The following ABLIM3 variants were observed in gnomAD, a reference collection of about 807,000 sequenced individuals.
ABLIM3 encodes actin-binding LIM protein 3.
A neutral mutation model predicts 109.5 loss-of-function variants in ABLIM3; 61 were observed. The ratio of observed to expected loss-of-function variants is 0.56; its 90% CI spans 0.45 to 0.69. The LOEUF is 0.69. ABLIM3 is among the 30% of genes least tolerant of loss of function. The pLI, the probability that ABLIM3 is intolerant of heterozygous loss-of-function variation, is 0.00. For missense variants in ABLIM3, 796 were observed against 889.5 expected, an observed-to-expected ratio of 0.89 and a Z score of 1.34; for synonymous variants, 300 against 324.8, an observed-to-expected ratio of 0.92 and a Z score of 0.82.
intron 23 of ABLIM3, 67 bp downstream of exon 23, chr5:149,252,904 C>A: frequency 2.3e-6 from 3 of 1,291,722 alleles, no homozygotes; most frequent in South Asian, 1.2e-5. Flanking sequence ...TTGGTATAAT[C>A]CAGCTCAAGA....
chr5:149,246,186 A>G (rs1753337466), intron 16 of ABLIM3, among the ~76,000 whole-genome samples: 2 of 152,084 alleles, frequency 1.3e-5, no homozygotes, highest in Admixed American at 1.3e-4. Context: ...TAATAAAAGG[A>G]TGACTCGTTC....
intron 2 of ABLIM3, among the ~76,000 whole-genome samples, chr5:149,180,384 A>G (rs1305140566): frequency 6.6e-6 from 1 of 152,186 alleles, no homozygotes; most frequent in Non-Finnish European, 1.5e-5. Context: ...ACACAGAACA[A>G]TGTTAGATTA....
chr5:149,203,662 C>G (rs1204586565), intron 5 of ABLIM3, among the ~76,000 whole-genome samples: 1 of 151,622 alleles, frequency 6.6e-6, no homozygotes, highest in Non-Finnish European at 1.5e-5. Flanking sequence ...ACCACTATTA[C>G]CACTATCGCC....
chr5:149,157,103 C>G (rs185064646), intron 2 of ABLIM3, among the ~76,000 whole-genome samples: 20 of 152,200 alleles, frequency 1.3e-4, no homozygotes, highest in Non-Finnish European at 2.2e-4. Context: ...GACCAGAAAG[C>G]GTTCCATTCT....
At chr5:149,252,672 C>T (rs1202899479) in intron 22 of ABLIM3, 85 bp from the exon 23 acceptor site, 14 of 1,028,152 alleles carry the variant, frequency 1.4e-5, no homozygotes, top group Non-Finnish European at 2.1e-5. Context: ...CTGGATAGAA[C>T]AGAGAGCCCA....
Position 149,233,307 on chromosome 5 carries a change from A to G in ABLIM3, c.888+7A>G. The G allele has an allele frequency of 6.2e-7, 1 of 1,613,864 alleles. No homozygotes were observed. Among genetic ancestry groups the G allele is most frequent in the Admixed American group, 1.7e-5 (1 of 60,018 alleles). On this transcript the variant is annotated splice_region_variant and intron_variant, in intron 10 of 23. Coordinates refer to ENST00000309868, the MANE Select transcript of ABLIM3 (RefSeq NM_014945.5). The stretch of plus-strand genomic sequence containing the variant: ...ACCCAACCGAGTCATCTGCGTATGT[A>G]TCACTTTTCTACCACCAAAGGGCCT...
intron 8 of ABLIM3, among the ~76,000 whole-genome samples, chr5:149,222,819 C>T (rs1413568917): frequency 6.6e-6 from 1 of 151,980 alleles, no homozygotes; most frequent in African/African-American, 2.4e-5. Flanking sequence ...TGTGGAACGC[C>T]AGCCCTCAGT....
At chr5:149,155,589 T>C (rs1219415927) in intron 2 of ABLIM3, among the ~76,000 whole-genome samples, 2 of 152,130 alleles carry the variant, frequency 1.3e-5, no homozygotes, top group South Asian at 2.1e-4. Flanking sequence ...AACAAACTTA[T>C]GTTGTGTAGG....
chr5:149,172,988 G>T (rs1755585277), intron 2 of ABLIM3, among the ~76,000 whole-genome samples: 1 of 152,228 alleles, frequency 6.6e-6, no homozygotes, highest in South Asian at 2.1e-4. Flanking sequence ...TCCCAAGGAA[G>T]AACCAGATGT....
chr5:149,180,987 T>C (rs993492095), intron 2 of ABLIM3, among the ~76,000 whole-genome samples: 5 of 152,160 alleles, frequency 3.3e-5, no homozygotes, highest in African/African-American at 1.2e-4. Flanking sequence ...TCTTGAACAA[T>C]AAGACAGGTT....
At chr5:149,252,635 TC>T (rs1453948112) in intron 22 of ABLIM3, 121 bp from the exon 23 acceptor site, 5 of 760,558 alleles carry the variant, frequency 6.6e-6, no homozygotes, top group Non-Finnish European at 1.1e-5. Flanking sequence ...ATCCAGCTCT[TC>T]CTCCAGACTT....
At position 149,207,968 on chromosome 5, in the gene ABLIM3, ATCATATGACCC is replaced by A. The variant is rs1198002642; in HGVS notation, c.575+835_575+845del. 5.3e-5 allele frequency among the ~76,000 whole-genome samples: 8 copies of A among 152,358 alleles called. No homozygotes were observed. In the South Asian group the frequency reaches 6.2e-4, roughly 12 times the overall value. ...ACAGATCCTTTGTCACAGCTTTGAC[ATCATATGACCC>A]CAGACCCTTCTAGGTGCCACTCTCT... On this transcript the variant is annotated intron_variant, in intron 6 of 23. Transcript: ENST00000309868.
At chr5:149,246,392 A>C in intron 16 of ABLIM3, 90 bp from the exon 17 acceptor site, 1 of 1,231,468 alleles carries the variant, frequency 8.1e-7, no homozygotes, top group Non-Finnish European at 1.1e-6. Context: ...AAAGAAAGAA[A>C]AGTGGCTTTT....
At position 149,237,578 on chromosome 5, in the gene ABLIM3, T is replaced by C; in HGVS notation, c.1019T>C (p.Met340Thr). ...CATTCCAGATACATGTCCGACGAGATGCTGGAGAGATGTGGCTATGGAGAG... is the reference window on the plus strand; with the variant it reads ...CATTCCAGATACATGTCCGACGAGACGCTGGAGAGATGTGGCTATGGAGAG... ...EPHSRYMSDEMLERCGYGESL... is the reference protein window; with the variant it reads ...EPHSRYMSDETLERCGYGESL... Residue 340 changes from methionine to threonine, a missense_variant, in exon 11 of 24, where the codon ATG becomes ACG. Physicochemically the swap from Met to Thr is moderately conservative, Grantham distance 81. Transcript: ENST00000309868. 6.2e-7 allele frequency: 1 copy of C among 1,614,216 alleles called. No individual in the cohort carries two copies. The highest frequency in any genetic ancestry group is 1.1e-5 in the South Asian group (1 of 91,088).
At chr5:149,145,755 AT>A (rs1752844969) in intron 2 of ABLIM3, among the ~76,000 whole-genome samples, 1 of 147,344 alleles carries the variant, frequency 6.8e-6, no homozygotes, top group Non-Finnish European at 1.5e-5. Context: ...GATGTTGAGC[AT>A]TTTTATTTTT....
intron 2 of ABLIM3, among the ~76,000 whole-genome samples, chr5:149,174,899 T>C (rs1755783019): frequency 6.6e-6 from 1 of 152,270 alleles, no homozygotes; most frequent in Non-Finnish European, 1.5e-5. Flanking sequence ...CATGAAGTCA[T>C]GAGCATTAAA....
chr5:149,151,528 G>T (rs1753433797), intron 2 of ABLIM3, among the ~76,000 whole-genome samples: 1 of 152,328 alleles, frequency 6.6e-6, no homozygotes, highest in Middle Eastern at 3.4e-3. Flanking sequence ...CTAACAGTTG[G>T]TTACTAAATG....
chr5:149,234,381 CT>C (rs1762152027), intron 10 of ABLIM3, among the ~76,000 whole-genome samples: 2 of 152,146 alleles, frequency 1.3e-5, no homozygotes, highest in Admixed American at 6.5e-5. Context: ...GGAAAATGGT[CT>C]GTAACAAGAA....
chr5:149,186,482 C>T (rs1206082207), intron 3 of ABLIM3, among the ~76,000 whole-genome samples: 3 of 152,036 alleles, frequency 2.0e-5, no homozygotes, highest in Non-Finnish European at 4.4e-5. Context: ...TACATGGATT[C>T]ATGACTATAT....
Sources: allele counts gnomAD v4.1 joint callset (sites outside exome capture counted in the v4.1 genomes callset), GRCh38; gene constraint gnomAD v4.1.1; transcripts MANE v1.5; gene names NCBI Gene and HGNC (gene_info 2026-07-23, HGNC 2026-07-21).